Variants in ZMYM2 observed in about 807,000 individuals in gnomAD.
ZMYM2 encodes zinc finger MYM-type protein 2.
Under a neutral mutation model 162.8 loss-of-function variants are expected in ZMYM2, and 56 were observed. The ratio of observed to expected loss-of-function variants is 0.34; its 90% CI spans 0.28 to 0.43. The LOEUF is 0.43. Ranked by LOEUF, ZMYM2 falls within the 20% of genes least tolerant of loss-of-function variation. ZMYM2 has a pLI of 1.00. For missense variants in ZMYM2, 1,275 were observed against 1,621.8 expected (o/e 0.79, Z 3.67); for synonymous variants, 510 against 541.6 (o/e 0.94, Z 0.81).
chr13:20,078,666 CAG>C (rs1443710011), intron 21 of ZMYM2, among the ~76,000 whole-genome samples: 2 of 152,080 alleles, frequency 1.3e-5, no homozygotes, highest in Non-Finnish European at 2.9e-5. Context: ...CCATAAGAAA[CAG>C]GGCCTTTGAA....
chr13:20,080,109 G>T (rs1361853162), intron 21 of ZMYM2, among the ~76,000 whole-genome samples: 2 of 152,262 alleles, frequency 1.3e-5, no homozygotes, highest in South Asian at 4.1e-4. Context: ...TAACAATGAG[G>T]ATCTCCAGGT....
At chr13:20,009,328 CAAG>C (rs1950989464) in intron 6 of ZMYM2, among the ~76,000 whole-genome samples, 1 of 152,066 alleles carries the variant, frequency 6.6e-6, no homozygotes, top group Non-Finnish European at 1.5e-5. Flanking sequence ...CAAATTTAAA[CAAG>C]AAAATCTCAG....
chr13:20,055,378 A>G (rs1329486448), intron 14 of ZMYM2, among the ~76,000 whole-genome samples: 1 of 152,196 alleles, frequency 6.6e-6, no homozygotes. Context: ...GAACAAAGCA[A>G]TGCTGTGCCT....
chr13:20,024,978 A>G (rs1158800982), intron 7 of ZMYM2: 1 of 214,076 alleles, frequency 4.7e-6, no homozygotes, highest in East Asian at 7.0e-5. Context: ...ATAAACAGCT[A>G]TGTTTTCTTA....
chr13:19,952,352 T>C, the ZMYM2 span, among the ~76,000 whole-genome samples: 1 of 152,100 alleles, frequency 6.6e-6, no homozygotes, highest in Non-Finnish European at 1.5e-5. Context: ...TTAAAATCAA[T>C]AACAGTATAT....
In ZMYM2 at chr13:20,082,823, T is replaced by A. The variant is rs1239446855; in HGVS notation, c.3611T>A (p.Ile1204Lys). The change falls in exon 23 of 25, where the codon ATA becomes AAA. Residue 1204 changes from isoleucine (I) to lysine (K), a missense_variant. By Grantham distance (102) the Ile-to-Lys change is moderately radical. Around this residue, in one of 10 missense-constraint regions of ZMYM2, gnomAD observed 103 missense variants for 192.2 expected, o/e 0.54. Coordinates refer to ENST00000610343, the MANE Select transcript of ZMYM2 (RefSeq NM_197968.4). ...SRVEEDYLWRIKQLGSHSPVA... is the reference protein window; with the variant it reads ...SRVEEDYLWRKKQLGSHSPVA... ...GTTGAAGAAGACTATCTCTGGAGGA[T>A]AAAACAACTAGGATCACACTCTCCA... 1.2e-6 allele frequency: 2 copies of A among 1,613,028 alleles called. No individual in the cohort carries two copies. The highest frequency in any genetic ancestry group is 2.7e-5 in the African/African-American group (2 of 74,912).
chr13:19,915,455 C>CTTTCTTTCTT, the ZMYM2 span, among the ~76,000 whole-genome samples: 1 of 150,864 alleles, frequency 6.6e-6, no homozygotes, highest in African/African-American at 2.4e-5. Context: ...TTCTTTCTTT[C>CTTTCTTTCTT]TCTTACTTTC....
intron 2 of ZMYM2, among the ~76,000 whole-genome samples, chr13:19,962,514 TA>T (rs141631485): frequency 0.34 from 21,854 of 63,714 alleles, 6,664 homozygotes; most frequent in Non-Finnish European, 0.47. Context: ...TATATATATA[TA>T]TTTTTTTTTT....
intron 12 of ZMYM2, among the ~76,000 whole-genome samples, chr13:20,039,238 C>T (rs1336436360): frequency 1.3e-5 from 2 of 152,188 alleles, no homozygotes; most frequent in Admixed American, 1.3e-4. Flanking sequence ...TTGACATCCT[C>T]TCTTCCTATT....
the ZMYM2 span, among the ~76,000 whole-genome samples, chr13:19,920,920 G>A: frequency 6.6e-6 from 1 of 151,324 alleles, no homozygotes; most frequent in East Asian, 2.0e-4. Context: ...ATGCCACCAT[G>A]CCCAGCTAAT....
chr13:20,006,813 A>T (rs1950779742), intron 6 of ZMYM2, among the ~76,000 whole-genome samples: 1 of 152,194 alleles, frequency 6.6e-6, no homozygotes, highest in South Asian at 2.1e-4. Flanking sequence ...GAGGTAGGTC[A>T]TTTCCGTGAT....
chr13:19,993,034 T>G (rs1949747503), intron 2 of ZMYM2, 29 bp from the exon 3 acceptor site: 2 of 1,536,746 alleles, frequency 1.3e-6, no homozygotes, highest in East Asian at 4.5e-5. Flanking sequence ...ATACTGACAT[T>G]TTAATTCTTT....
chr13:19,931,111 C>T, the ZMYM2 span, among the ~76,000 whole-genome samples: 2 of 145,738 alleles, frequency 1.4e-5, no homozygotes, highest in Non-Finnish European at 3.0e-5. Context: ...AGCACTCCGG[C>T]CTGGGTGAAA....
upstream of ZMYM2, among the ~76,000 whole-genome samples, chr13:19,954,126 A>ATTTTTTTTTTTTTTTTTTTTTTGTTTT (rs781288600): frequency 1.5e-5 from 1 of 64,880 alleles, no homozygotes; most frequent in Non-Finnish European, 3.0e-5. Context: ...GCTATGTTTA[A>ATTTTTTTTTTTTTTTTTTTTTTGTTTT]TTTTTTTTTT....
the ZMYM2 span, among the ~76,000 whole-genome samples, chr13:19,878,950 C>T: frequency 6.6e-6 from 1 of 152,156 alleles, no homozygotes; most frequent in Non-Finnish European, 1.5e-5. Flanking sequence ...TGCCTTTTTA[C>T]TCTGCTGACA....
intron 2 of ZMYM2, among the ~76,000 whole-genome samples, chr13:19,966,010 C>T (rs183983399): frequency 4.1e-4 from 63 of 152,134 alleles, no homozygotes; most frequent in Non-Finnish European, 8.8e-5. Flanking sequence ...AACTCCTGAA[C>T]TCAGGTGATC....
intron 13 of ZMYM2, 102 bp downstream of exon 13, chr13:20,051,700 C>A: frequency 1.7e-6 from 2 of 1,163,824 alleles, no homozygotes; most frequent in Non-Finnish European, 1.2e-6. Context: ...TTGGAGATAG[C>A]TTAACAGCAA....
At chr13:19,865,384 C>T in the ZMYM2 span, among the ~76,000 whole-genome samples, 1 of 152,186 alleles carries the variant, frequency 6.6e-6, no homozygotes, top group Non-Finnish European at 1.5e-5. Context: ...AGCATGTTCA[C>T]GGATTGATGA....
intron 6 of ZMYM2, among the ~76,000 whole-genome samples, chr13:20,010,682 C>G (rs929612532): frequency 2.0e-5 from 3 of 151,872 alleles, no homozygotes; most frequent in Admixed American, 2.0e-4. Flanking sequence ...CCTCTGTTGC[C>G]CAGGCTGGAG....
Sources: gnomAD v4.1 joint callset for allele counts (sites outside exome capture counted in the v4.1 genomes callset) on GRCh38, gnomAD v4.1.1 for gene constraint, gnomAD v4.1.1 regional missense constraint, MANE v1.5 for transcripts, NCBI Gene and HGNC (gene_info 2026-07-23, HGNC 2026-07-21) for gene names.